AKR1C4: variants seen among roughly 807,000 people sequenced by gnomAD.
The protein encoded by AKR1C4 is 3-alpha-HSD1.
AKR1C4 carries 44 observed loss-of-function variants against 41.0 expected under a neutral mutation model. That is an observed-to-expected ratio of 1.07 (90% CI 0.84 to 1.38). AKR1C4 has a LOEUF of 1.38. Among genes scored for constraint, AKR1C4 ranks in the 40% most tolerant of loss-of-function variants. The probability of loss-of-function intolerance (pLI) is 0.00; values close to 1 mark genes in which losing one functional copy is unlikely to be tolerated. For missense variants in AKR1C4, 438 were observed against 387.9 expected, an observed-to-expected ratio of 1.13 and a Z score of -1.09; for synonymous variants, 165 against 137.7, an observed-to-expected ratio of 1.20 and a Z score of -1.39.
At chr10:5,216,023 G>A (rs1554798464) in intron 7 of AKR1C4, among the ~76,000 whole-genome samples, 1 of 152,144 alleles carries the variant, frequency 6.6e-6, no homozygotes, top group East Asian at 1.9e-4. Context: ...GCCGAAAGTT[G>A]TTTTGACTTA....
chr10:5,218,844 C>A lies in AKR1C4; in HGVS notation c.*84C>A. 1.4e-6 allele frequency: 2 copies of A among 1,390,506 alleles called. No individual in the cohort carries two copies. Among genetic ancestry groups the A allele is most frequent in the Non-Finnish European group, 2.0e-6 (2 of 982,386 alleles). 86.1% of individuals were successfully genotyped at this position (1,390,506 alleles called of 1,614,324 possible). On this transcript the variant is annotated 3_prime_UTR_variant, in exon 9 of 9. Transcript: ENST00000263126. ...GGATGTCTCTATGCTGGTGACTGGA[C>A]ACACAGCCTCTGGTTAAATCCCTCC...
chr10:5,198,186 C>T (rs533555387), intron 1 of AKR1C4, among the ~76,000 whole-genome samples: 26 of 152,184 alleles, frequency 1.7e-4, no homozygotes, highest in African/African-American at 5.1e-4. Context: ...TCTCACAGGT[C>T]GCAGTTAATT....
chr10:5,214,672 C>G (rs1832628864), intron 7 of AKR1C4, among the ~76,000 whole-genome samples: 3 of 149,184 alleles, frequency 2.0e-5, no homozygotes, highest in South Asian at 4.2e-4. Flanking sequence ...TTTTAATAGT[C>G]TTTGGATAAC....
At chr10:5,205,681 C>T (rs1832472913) in intron 3 of AKR1C4, 76 bp from the exon 4 acceptor site, 1 of 1,291,296 alleles carries the variant, frequency 7.7e-7, no homozygotes, top group East Asian at 2.3e-5. Context: ...GGATTATTAT[C>T]CTAAAATGTA....
At chr10:5,204,552 G>C in intron 3 of AKR1C4, 59 bp downstream of exon 3, 2 of 1,299,976 alleles carry the variant, frequency 1.5e-6, no homozygotes, top group Non-Finnish European at 2.2e-6. Flanking sequence ...CCTTTATGAT[G>C]GTTGAATTGA....
At chr10:5,215,083 T>C (rs1205948093) in intron 7 of AKR1C4, among the ~76,000 whole-genome samples, 1 of 152,218 alleles carries the variant, frequency 6.6e-6, no homozygotes, top group African/African-American at 2.4e-5. Context: ...TGTATAATGC[T>C]GCAGACAAAG....
At chr10:5,202,417 GT>G in intron 2 of AKR1C4, 1 of 449,814 alleles carries the variant, frequency 2.2e-6, no homozygotes, top group Non-Finnish European at 4.5e-6. Flanking sequence ...AGGCTTTGGG[GT>G]TTTGTAGGTA....
intron 7 of AKR1C4, among the ~76,000 whole-genome samples, chr10:5,214,059 ATAT>A (rs782015500): frequency 2.0e-5 from 3 of 151,906 alleles, no homozygotes; most frequent in South Asian, 2.1e-4. Flanking sequence ...ACAAAGTAAT[ATAT>A]TATTGTCTAT....
chr10:5,214,145 G>C (rs868957178), intron 7 of AKR1C4, among the ~76,000 whole-genome samples: 12 of 151,924 alleles, frequency 7.9e-5, no homozygotes, highest in Admixed American at 2.6e-4. Context: ...TGTGAAATAA[G>C]AGTACAAATG....
intron 2 of AKR1C4, among the ~76,000 whole-genome samples, chr10:5,203,580 GT>G (rs1564401151): frequency 1.3e-5 from 2 of 152,196 alleles, no homozygotes; most frequent in Non-Finnish European, 2.9e-5. Flanking sequence ...GGCACTTACA[GT>G]TTTTCATCTG....
At chr10:5,197,527 T>C (rs1432897045) in intron 1 of AKR1C4, among the ~76,000 whole-genome samples, 1 of 152,200 alleles carries the variant, frequency 6.6e-6, no homozygotes, top group Non-Finnish European at 1.5e-5. Flanking sequence ...AATAACTTTA[T>C]TCTAAGGAAA....
chr10:5,206,627 G>A (rs1832492640), intron 5 of AKR1C4, among the ~76,000 whole-genome samples: 1 of 152,128 alleles, frequency 6.6e-6, no homozygotes, highest in Admixed American at 6.5e-5. Flanking sequence ...CTATTTTTGG[G>A]GGAGGTGAAT....
intron 2 of AKR1C4, among the ~76,000 whole-genome samples, chr10:5,203,218 C>T (rs1310207350): frequency 4.6e-5 from 7 of 152,098 alleles, no homozygotes; most frequent in East Asian, 1.9e-4. Flanking sequence ...TGCTTTCCCC[C>T]GGGGTTCTGG....
intron 7 of AKR1C4, among the ~76,000 whole-genome samples, chr10:5,216,285 C>T (rs1832656104): frequency 6.6e-6 from 1 of 152,194 alleles, no homozygotes; most frequent in African/African-American, 2.4e-5. Flanking sequence ...CAAACACCTC[C>T]CACCAGGACC....
intron 5 of AKR1C4, among the ~76,000 whole-genome samples, chr10:5,209,404 TA>T (rs1431447488): frequency 6.6e-6 from 1 of 152,096 alleles, no homozygotes; most frequent in East Asian, 1.9e-4. Flanking sequence ...CGTTTTATTA[TA>T]AAAAAATTTT....
intron 7 of AKR1C4, 77 bp from the exon 8 acceptor site, chr10:5,216,634 T>TA (rs1554798530): frequency 1.9e-6 from 2 of 1,042,574 alleles, no homozygotes; most frequent in African/African-American, 3.2e-5. Context: ...CTCTACACCC[T>TA]ACTGTGTGAT....
rs782706661 is a variant in AKR1C4, at chr10:5,204,433, G to GA, written c.315dup (p.Leu106ThrfsTer7). 3 of 1,613,996 alleles carry GA rather than the reference G, an allele frequency of 1.9e-6. No homozygotes were observed. The highest frequency in any genetic ancestry group is 1.7e-4 in the Middle Eastern group (1 of 6,060). On this transcript the variant is annotated frameshift_variant, in exon 3 of 9. Coordinates refer to ENST00000263126, the MANE Select transcript of AKR1C4 (RefSeq NM_001818.5). LOFTEE classifies it high-confidence loss of function. The stretch of plus-strand genomic sequence containing the variant: ...TCCAACCAGCCTTGGAAAGCTCACT[G>GA]AAAAAACTTCAACTGGACTATGTTG...
rs1266812499 is a variant in AKR1C4, at chr10:5,200,227, C to A, written c.131C>A (p.Ala44Asp). The A allele has an allele frequency of 8.1e-6, 13 of 1,614,180 alleles. No individual in the cohort carries two copies. Among genetic ancestry groups the A allele is most frequent in the Non-Finnish European group, 1.1e-5 (13 of 1,179,978 alleles). The part of the protein sequence containing the change: ...AVEVTKLAIE[A>D]GFRHIDSAYL... Reference sequence around the variant, plus strand: ...GAGGTCACCAAATTAGCAATAGAAGCTGGCTTCCGCCATATTGATTCTGCT... The same window carrying A: ...GAGGTCACCAAATTAGCAATAGAAGATGGCTTCCGCCATATTGATTCTGCT... The change falls in exon 2 of 9, where the codon GCT becomes GAT. Residue 44 changes from alanine to aspartate, a missense_variant. By Grantham distance (126) the Ala-to-Asp change is moderately radical. Transcript: ENST00000263126.
Position 5,210,401 on chromosome 10 carries a change from G to T in AKR1C4, c.571-2215G>T, listed in dbSNP as rs189396764. Among the ~76,000 whole-genome samples the T allele has an allele frequency of 1.5e-3, 235 of 152,250 alleles. 1 individual carries two copies. Among genetic ancestry groups the T allele is most frequent in the African/African-American group, 5.3e-3 (222 of 41,554 alleles). ...GCTGTCAGTGGATCTACCATTCTAG[G>T]GTCTGGAGGATGGTGGCCCTTTTCT... On this transcript the variant is annotated intron_variant, in intron 5 of 8. Coordinates refer to ENST00000263126, the MANE Select transcript of AKR1C4 (RefSeq NM_001818.5).
Sources: allele counts gnomAD v4.1 joint callset (sites outside exome capture counted in the v4.1 genomes callset), GRCh38; gene constraint gnomAD v4.1.1; transcripts MANE v1.5; gene names NCBI Gene and HGNC (gene_info 2026-07-23, HGNC 2026-07-21).